Variants in RASGEF1C observed in about 807,000 individuals in gnomAD.
The protein encoded by RASGEF1C is RasGEF domain family member 1C, also known as ras-GEF domain-containing family member 1C.
A neutral mutation model predicts 58.1 loss-of-function variants in RASGEF1C; 27 were observed. The ratio of observed to expected loss-of-function variants is 0.46; its 90% CI spans 0.34 to 0.64. The LOEUF (loss-of-function observed/expected upper bound fraction) is 0.64. Ranked by LOEUF, RASGEF1C falls within the 30% of genes least tolerant of loss-of-function variation. The pLI is 0.01. For synonymous variants in RASGEF1C, 243 were observed against 246.3 expected, an observed-to-expected ratio of 0.99 and a Z score of 0.13; for missense variants, 502 against 605.1, an observed-to-expected ratio of 0.83 and a Z score of 1.79.
rs527354596 is a variant in RASGEF1C at position 180,137,846 on chromosome 5, A to G, written c.177+30T>C. ...CCCCGTGCGTGGTGGAGGAGAGCCC[A>G]CTCTCCTGCCCGCTGGGTGGATCAC... On this transcript the variant is annotated intron_variant, in intron 2 of 13. Coordinates refer to ENST00000361132, the MANE Select transcript of RASGEF1C (RefSeq NM_175062.4). The surrounding 1 kb of genome is among the most constrained non-coding windows in gnomAD (Gnocchi z 4.1). 2.0e-5 allele frequency: 32 copies of G among 1,605,988 alleles called. No homozygotes were observed. The Admixed American group carries it at 3.2e-4, about 16-fold the overall frequency.
chr5:180,195,134 C>G (rs1468476657), intron 1 of RASGEF1C, among the ~76,000 whole-genome samples: 1 of 152,182 alleles, frequency 6.6e-6, no homozygotes. Flanking sequence ...CTCTCCTTCT[C>G]CAAACACACA....
chr5:180,125,486 A>G (rs1404345995), intron 6 of RASGEF1C, among the ~76,000 whole-genome samples: 3 of 152,266 alleles, frequency 2.0e-5, no homozygotes, highest in Non-Finnish European at 4.4e-5. Context: ...GCAAGTTAGC[A>G]CAATAAGTTA....
rs777890562 is a variant in RASGEF1C at position 180,127,594 on chromosome 5, G to A, written c.714+15C>T. 4 of 1,605,588 alleles carry A rather than the reference G, an allele frequency of 2.5e-6. No homozygotes were observed. In the Admixed American group the frequency reaches 5.1e-5, roughly 21 times the overall value. ...GTGAGGCTCACTTTTGGGACAGCCC[G>A]TAAGAGCCTCCTACCTTTGTGCTGG... On this transcript the variant is annotated intron_variant, in intron 6 of 13. Transcript: ENST00000361132.
At chr5:180,130,580 T>C (rs1042354717) in intron 4 of RASGEF1C, among the ~76,000 whole-genome samples, 1 of 152,156 alleles carries the variant, frequency 6.6e-6, no homozygotes, top group African/African-American at 2.4e-5. Context: ...CTCCCATCAG[T>C]CAATTCGTTG....
intron 4 of RASGEF1C, 87 bp downstream of exon 4, chr5:180,136,291 T>TG: frequency 7.4e-7 from 1 of 1,354,364 alleles, no homozygotes; most frequent in Non-Finnish European, 1.0e-6. Flanking sequence ...GGTGGGGAGA[T>TG]GAGGGCCCTG....
rs758841291 is a variant in RASGEF1C, at chr5:180,136,430, G to A, written c.386C>T (p.Ser129Leu). The A allele has an allele frequency of 3.2e-6, 5 of 1,561,516 alleles. No homozygotes were observed. The highest frequency in any genetic ancestry group is 2.4e-5 in the South Asian group (2 of 84,916). Residue 129 changes from serine (S) to leucine (L), a missense_variant, in exon 4 of 14, where the codon TCG becomes TTG. Ser to Leu is a moderately radical substitution (Grantham distance 145). Transcript: ENST00000361132. ...ETFPRDFQEE[S>L]TIGHLKDVVG... ...GACGTCCTTAAGGTGCCCGATAGTCGACTCTTCCTGGAAGTCCCTTGGGAA... is the reference window on the plus strand; with the variant it reads ...GACGTCCTTAAGGTGCCCGATAGTCAACTCTTCCTGGAAGTCCCTTGGGAA...
At chr5:180,187,825 A>C (rs989533854) in intron 1 of RASGEF1C, among the ~76,000 whole-genome samples, 1 of 152,242 alleles carries the variant, frequency 6.6e-6, no homozygotes, top group South Asian at 2.1e-4. Flanking sequence ...TAGGATGGCC[A>C]TAATCAACAA....
intron 12 of RASGEF1C, among the ~76,000 whole-genome samples, chr5:180,110,154 C>G (rs749074779): frequency 6.6e-6 from 1 of 152,106 alleles, no homozygotes; most frequent in Non-Finnish European, 1.5e-5. Flanking sequence ...ACCCCGCTTT[C>G]CAGATACTGC....
chr5:180,136,870 C>G (rs1249085881), intron 3 of RASGEF1C: 4 of 263,112 alleles, frequency 1.5e-5, no homozygotes, highest in Non-Finnish European at 2.2e-5. Flanking sequence ...CGCCATCGTG[C>G]ACAGTGATTG....
chr5:180,178,789 C>T (rs1048597805), intron 1 of RASGEF1C, among the ~76,000 whole-genome samples: 9 of 152,080 alleles, frequency 5.9e-5, no homozygotes, highest in Non-Finnish European at 1.3e-4. Context: ...GACCCCGGGG[C>T]GTCACTTTCC....
chr5:180,206,508 C>T (rs1756489904), intron 1 of RASGEF1C, among the ~76,000 whole-genome samples: 1 of 152,178 alleles, frequency 6.6e-6, no homozygotes, highest in Non-Finnish European at 1.5e-5. Flanking sequence ...GAATGCAAAA[C>T]GGTGCTACCT....
rs1307493102 is a variant in RASGEF1C, at chr5:180,182,230, AAG to A, written c.-7+26796_-7+26797del. On this transcript the variant is annotated intron_variant, in intron 1 of 13. Coordinates refer to ENST00000361132, the MANE Select transcript of RASGEF1C (RefSeq NM_175062.4). ...AAAAAAAAAAAAAAAAAAAAAAAAA[AAG>A]AATGAAGCCATGGACCTTCACAGTG... 7.8e-4 allele frequency among the ~76,000 whole-genome samples: 115 copies of A among 148,310 alleles called. 7 individuals are homozygous for A. Among genetic ancestry groups the A allele is most frequent in the Middle Eastern group, 3.5e-3 (1 of 288 alleles).
intron 4 of RASGEF1C, among the ~76,000 whole-genome samples, chr5:180,131,386 C>A (rs373952636): frequency 2.4e-4 from 36 of 151,564 alleles, no homozygotes; most frequent in African/African-American, 8.5e-4. Context: ...CTCCCCATGT[C>A]CCCGGCAGGA....
At chr5:180,176,989 A>T (rs1581121685) in intron 1 of RASGEF1C, among the ~76,000 whole-genome samples, 1 of 152,178 alleles carries the variant, frequency 6.6e-6, no homozygotes, top group Non-Finnish European at 1.5e-5. Context: ...ATAACCCAAG[A>T]CAGGGCCCCT....
At chr5:180,200,388 CA>C (rs1364836280) in intron 1 of RASGEF1C, among the ~76,000 whole-genome samples, 1 of 136,292 alleles carries the variant, frequency 7.3e-6, no homozygotes, top group Non-Finnish European at 1.6e-5. Context: ...AGGCTCACTG[CA>C]AGCTCCGCCT....
rs752824582 is a variant in RASGEF1C, at chr5:180,127,685, T to G, written c.640-2A>C. ...AGGCCCGATGTGCCGCAGCCGCTCC[T>G]GCAGGGAAGGGTGAAGAGTGGGTAA... is the stretch of plus-strand genomic sequence containing the variant. On this transcript the variant is annotated splice_acceptor_variant, in intron 5 of 13. Transcript: ENST00000361132. LOFTEE classifies it high-confidence loss of function. 2.5e-6 allele frequency: 4 copies of G among 1,612,206 alleles called. No individual in the cohort carries two copies. The South Asian group carries it at 4.4e-5, about 18-fold the overall frequency.
chr5:180,195,679 G>C (rs940954855), intron 1 of RASGEF1C, among the ~76,000 whole-genome samples: 1 of 151,860 alleles, frequency 6.6e-6, no homozygotes, highest in Non-Finnish European at 1.5e-5. Context: ...GGAGAATGGC[G>C]TGAACCCGGG....
Position 180,118,703 on chromosome 5 carries a change from T to C in RASGEF1C, c.989A>G (p.His330Arg). The C allele has an allele frequency of 6.2e-7, 1 of 1,614,106 alleles. No individual in the cohort carries two copies. Among genetic ancestry groups the C allele is most frequent in the Non-Finnish European group, 8.5e-7 (1 of 1,179,970 alleles). Reference sequence around the variant, plus strand: ...GAAATTCCCCGTTGGGTCCATCTGGTGCTGGAAGGAGACAGGGAGGCATGT... The same window carrying C: ...GAAATTCCCCGTTGGGTCCATCTGGCGCTGGAAGGAGACAGGGAGGCATGT... ...VRTAKFFILE[H>R]QMDPTGNFCN... Residue 330 changes from histidine to arginine, a missense_variant and splice_region_variant, in exon 10 of 14, where the codon CAC (histidine) becomes CGC (arginine). Transcript: ENST00000361132.
intron 1 of RASGEF1C, among the ~76,000 whole-genome samples, chr5:180,206,233 C>T (rs1258426900): frequency 6.6e-6 from 1 of 152,008 alleles, no homozygotes; most frequent in African/African-American, 2.4e-5. Context: ...GGACAGAGTG[C>T]CAGACACTTA....
Sources: allele counts gnomAD v4.1 joint callset (sites outside exome capture counted in the v4.1 genomes callset), GRCh38; gene constraint gnomAD v4.1.1; non-coding constraint Gnocchi (gnomAD v3.1); transcripts MANE v1.5; gene names NCBI Gene and HGNC (gene_info 2026-07-23, HGNC 2026-07-21).